SPTSSA: variants seen among roughly 807,000 people sequenced by gnomAD.
SPTSSA encodes the protein serine palmitoyltransferase small subunit A.
Under a neutral mutation model 9.1 loss-of-function variants are expected in SPTSSA, and 8 were observed. The ratio of observed to expected loss-of-function variants is 0.88; its 90% CI spans 0.51 to 1.58. SPTSSA has a LOEUF of 1.58. Ranked by LOEUF, SPTSSA falls within the 40% of genes most tolerant of loss-of-function variation. The probability of loss-of-function intolerance (pLI) is 0.00; values close to 1 mark genes in which losing one functional copy is unlikely to be tolerated. For missense variants in SPTSSA, 100 were observed against 93.8 expected (o/e 1.07, Z -0.27); for synonymous variants, 42 against 37.7 (o/e 1.11, Z -0.41).
chr14:34,446,101 G>C (rs1325850433), intron 1 of SPTSSA, among the ~76,000 whole-genome samples: 1 of 152,114 alleles, frequency 6.6e-6, no homozygotes, highest in East Asian at 1.9e-4. Flanking sequence ...ATTTTCACCA[G>C]GTAAAAAAAG....
rs756196020 is a variant in SPTSSA, at chr14:34,433,621, G to C, written c.*1580C>G. The C allele has an allele frequency of 6.6e-6, 1 of 151,980 alleles. No homozygotes were observed. The highest frequency in any genetic ancestry group is 2.4e-5 in the African/African-American group (1 of 41,376). The allele number at this position is 151,980 out of a possible 1,614,324, so 9.4% of individuals were successfully genotyped here. A position where few individuals can be genotyped will look rare whatever the true frequency, so the allele number is the denominator to read the frequency against. Reference sequence around the variant, plus strand: ...ACATATATATTACTTGAGACCTCTAGACTATAAAATACTTCAAAAGTCTAG... The same window carrying C: ...ACATATATATTACTTGAGACCTCTACACTATAAAATACTTCAAAAGTCTAG... On this transcript the variant is annotated 3_prime_UTR_variant, in exon 2 of 2. Transcript: ENST00000298130.
intron 1 of SPTSSA, among the ~76,000 whole-genome samples, chr14:34,442,264 C>T (rs1269026614): frequency 6.6e-6 from 1 of 152,236 alleles, no homozygotes; most frequent in East Asian, 1.9e-4. Context: ...GGAGCAAACT[C>T]ACCCATTTTT....
intron 1 of SPTSSA, among the ~76,000 whole-genome samples, chr14:34,458,742 G>C (rs950548657): frequency 6.9e-6 from 1 of 145,082 alleles, no homozygotes; most frequent in Non-Finnish European, 1.5e-5. Flanking sequence ...CACCGCGCCC[G>C]GCCAAGATTG....
At chr14:34,438,587 CCTT>C (rs1379828910) in intron 1 of SPTSSA, among the ~76,000 whole-genome samples, 1 of 152,156 alleles carries the variant, frequency 6.6e-6, no homozygotes, top group Non-Finnish European at 1.5e-5. Flanking sequence ...AACTCATTAA[CCTT>C]CTCCAAAACT....
At chr14:34,455,760 C>T (rs1005234726) in intron 1 of SPTSSA, among the ~76,000 whole-genome samples, 10 of 151,542 alleles carry the variant, frequency 6.6e-5, no homozygotes, top group African/African-American at 1.2e-4. Context: ...GGTGAAACCC[C>T]GTCTCCACTA....
chr14:34,433,748 G>A lies in SPTSSA; in HGVS notation c.*1453C>T, dbSNP rs1207874280. On this transcript the variant is annotated 3_prime_UTR_variant, in exon 2 of 2. Transcript: ENST00000298130. The stretch of plus-strand genomic sequence containing the variant: ...GGAGGCCGAGGCAGGTGGATCAGGA[G>A]GTCAGGAGTTTGAGACCATCCTGGC... 6.6e-6 allele frequency: 1 copy of A among 152,088 alleles called. No individual in the cohort carries two copies. The highest frequency in any genetic ancestry group is 1.9e-4 in the East Asian group (1 of 5,188). 9.4% of individuals were successfully genotyped at this position (152,088 alleles called of 1,614,324 possible). A position where few individuals can be genotyped will look rare whatever the true frequency, so the allele number is the denominator to read the frequency against.
chr14:34,443,506 G>GGTGTGTGTGTGTGTGTGTGT (rs55826237), intron 1 of SPTSSA, among the ~76,000 whole-genome samples: 1 of 2,980 alleles, frequency 3.4e-4, no homozygotes, highest in Non-Finnish European at 1.1e-3. Context: ...TCTAGGGGAG[G>GGTGTGTGTGTGTGTGTGTGT]GTGTGTGTGT....
At chr14:34,435,899 G>A (rs1244787316) in intron 1 of SPTSSA, among the ~76,000 whole-genome samples, 7 of 151,880 alleles carry the variant, frequency 4.6e-5, no homozygotes. Context: ...CAAAGTGCTG[G>A]GATTACAGGC....
At chr14:34,451,729 A>C (rs1883530743) in intron 1 of SPTSSA, among the ~76,000 whole-genome samples, 1 of 151,994 alleles carries the variant, frequency 6.6e-6, no homozygotes, top group African/African-American at 2.4e-5. Context: ...AAAAAAAAAA[A>C]AAAAAAAAAT....
intron 1 of SPTSSA, among the ~76,000 whole-genome samples, chr14:34,442,127 C>T (rs560839781): frequency 1.1e-4 from 17 of 152,274 alleles, no homozygotes; most frequent in African/African-American, 3.6e-4. Flanking sequence ...CCCCCCGCCT[C>T]GGCCTCCCAA....
chr14:34,456,463 G>A (rs1373414176), intron 1 of SPTSSA, among the ~76,000 whole-genome samples: 1 of 152,180 alleles, frequency 6.6e-6, no homozygotes, highest in Admixed American at 6.5e-5. Flanking sequence ...CTTTCAGGGT[G>A]AATCTAATTC....
At chr14:34,461,333 T>C (rs1477975345) in intron 1 of SPTSSA, among the ~76,000 whole-genome samples, 4 of 152,172 alleles carry the variant, frequency 2.6e-5, no homozygotes, top group Admixed American at 2.0e-4. Flanking sequence ...TTCTCAAAGT[T>C]AGATGAGTTA....
At chr14:34,441,988 G>C (rs1883324357) in intron 1 of SPTSSA, among the ~76,000 whole-genome samples, 1 of 152,142 alleles carries the variant, frequency 6.6e-6, no homozygotes, top group Non-Finnish European at 1.5e-5. Flanking sequence ...CAGTTCTCCT[G>C]CCTCAGCCTC....
chr14:34,450,312 T>C (rs1348787849), intron 1 of SPTSSA, among the ~76,000 whole-genome samples: 1 of 152,228 alleles, frequency 6.6e-6, no homozygotes, highest in Non-Finnish European at 1.5e-5. Flanking sequence ...CTTCATAAAA[T>C]GAGGTCCTTT....
At chr14:34,443,355 AGTGTGTGTGTGTGTGTGTGTGTGT>A (rs759850438) in intron 1 of SPTSSA, among the ~76,000 whole-genome samples, 1 of 6,264 alleles carries the variant, frequency 1.6e-4, no homozygotes, top group Non-Finnish European at 3.3e-4. Context: ...GGAGGGTGTG[AGTGTGTGTGTGTGTGTGTGTGTGT>A]GTGTGTGTGT....
In SPTSSA at chr14:34,435,190, T is replaced by C; in HGVS notation, c.*11A>G. ...TTCCCCAAGGAACCTCTGATCCTGGTCGCATCTTGGTCATTGTACGATTTC... is the reference window on the plus strand; with the variant it reads ...TTCCCCAAGGAACCTCTGATCCTGGCCGCATCTTGGTCATTGTACGATTTC... On this transcript the variant is annotated 3_prime_UTR_variant, in exon 2 of 2. Coordinates refer to ENST00000298130, the MANE Select transcript of SPTSSA (RefSeq NM_138288.4). 6.2e-7 allele frequency: 1 copy of C among 1,608,696 alleles called. No homozygotes were observed. Among genetic ancestry groups the C allele is most frequent in the Non-Finnish European group, 8.5e-7 (1 of 1,175,904 alleles).
chr14:34,438,737 A>T (rs1305767175), intron 1 of SPTSSA, among the ~76,000 whole-genome samples: 1 of 151,924 alleles, frequency 6.6e-6, no homozygotes. Flanking sequence ...CCTACAAATG[A>T]CTCTTGTATC....
intron 1 of SPTSSA, among the ~76,000 whole-genome samples, chr14:34,448,109 G>T (rs932118566): frequency 6.6e-6 from 1 of 152,096 alleles, no homozygotes; most frequent in East Asian, 1.9e-4. Context: ...ACAAAAATTA[G>T]CTGGGCATGG....
At chr14:34,447,897 A>G (rs996379600) in intron 1 of SPTSSA, among the ~76,000 whole-genome samples, 22 of 152,236 alleles carry the variant, frequency 1.4e-4, no homozygotes, top group Admixed American at 9.2e-4. Context: ...ATCAAGCTTC[A>G]GATGATCATG....
Sources: allele counts gnomAD v4.1 joint callset (sites outside exome capture counted in the v4.1 genomes callset), GRCh38; gene constraint gnomAD v4.1.1; transcripts MANE v1.5; gene names NCBI Gene and HGNC (gene_info 2026-07-23, HGNC 2026-07-21).